BEGAIN: variants seen among roughly 807,000 people sequenced by gnomAD.
BEGAIN encodes the protein brain enriched guanylate kinase associated.
In BEGAIN, 19 loss-of-function variants were observed where a neutral mutation model predicts 35.8. The ratio of observed to expected loss-of-function variants is 0.53; its 90% confidence interval spans 0.37 to 0.78. The LOEUF is 0.78. Ranked by LOEUF, BEGAIN falls within the 30% of genes least tolerant of loss-of-function variation. BEGAIN has a pLI of 0.00. For missense variants in BEGAIN, 795 were observed against 853.6 expected (o/e 0.93, Z 0.85); for synonymous variants, 462 against 388.6 (o/e 1.19, Z -2.22).
In BEGAIN at chr14:100,573,531, T is replaced by C. The variant is rs986792582; in HGVS notation, c.43-5592A>G. ...ACACCACTGTGTGGAGAGGGGCAAG[T>C]GCAGGACCCCAGGGCATCCAGCCAG... is the stretch of plus-strand genomic sequence containing the variant. On this transcript the variant is annotated intron_variant, in intron 1 of 6. Coordinates refer to ENST00000554140, the MANE Select transcript of BEGAIN (RefSeq NM_001385089.1). This position sits in a 1 kb window ranked among gnomAD's most constrained non-coding sequence, Gnocchi z 4.2. 2.0e-5 allele frequency among the ~76,000 whole-genome samples: 3 copies of C among 151,984 alleles called. No individual in the cohort carries two copies. The highest frequency in any genetic ancestry group is 7.3e-5 in the African/African-American group (3 of 41,374).
intron 6 of BEGAIN, 146 bp downstream of exon 6, chr14:100,540,350 C>G (rs1348475751): frequency 1.5e-6 from 1 of 679,266 alleles, no homozygotes; most frequent in African/African-American, 1.8e-5. Context: ...ATGTCATGAC[C>G]CCACAGGAGC....
In BEGAIN at chr14:100,539,310, G is replaced by T. The variant is rs1595104212; in HGVS notation, c.498C>A (p.Pro166=). The T allele has an allele frequency of 6.4e-7, 1 of 1,551,872 alleles. No homozygotes were observed. Among genetic ancestry groups the T allele is most frequent in the East Asian group, 2.3e-5 (1 of 44,282 alleles). The change falls in exon 7 of 7, where the codon CCC becomes CCA. Residue 166 remains proline (P), a synonymous_variant. Transcript: ENST00000554140. ...GGCTCACGCGCTCCTGGAAATCCGA[G>T]GGCAGCTGGAACGGGTGCGAGGAGG... The part of the protein sequence containing the change: ...YGRVHKVSEL[P]SDFQERVSLH...
chr14:100,548,059 T>G (rs2032766487), intron 2 of BEGAIN: 1 of 151,762 alleles, frequency 6.6e-6, no homozygotes, highest in Non-Finnish European at 1.5e-5. Context: ...CTTACGTTTT[T>G]GAGAACCTCA....
At chr14:100,574,161 A>G (rs1298663082) in intron 1 of BEGAIN, among the ~76,000 whole-genome samples, 2 of 152,212 alleles carry the variant, frequency 1.3e-5, no homozygotes, top group Non-Finnish European at 2.9e-5. Flanking sequence ...GCAGTCCCAA[A>G]TGAGCCGCGG....
chr14:100,557,091 G>A (rs57237719), intron 2 of BEGAIN, among the ~76,000 whole-genome samples: 5 of 104,522 alleles, frequency 4.8e-5, no homozygotes, highest in Admixed American at 2.5e-4. Context: ...GAGTCAGGGC[G>A]GGCCAAAGCC....
intron 2 of BEGAIN, among the ~76,000 whole-genome samples, chr14:100,554,082 C>T (rs2033468855): frequency 6.6e-6 from 1 of 152,220 alleles, no homozygotes; most frequent in Admixed American, 6.5e-5. Flanking sequence ...CCCATGGGGC[C>T]CTGCCGGGCT....
At chr14:100,583,829 T>C (rs951088943) in intron 1 of BEGAIN, among the ~76,000 whole-genome samples, 2 of 151,458 alleles carry the variant, frequency 1.3e-5, no homozygotes, top group African/African-American at 4.9e-5. Flanking sequence ...CCCAAATGGC[T>C]GGAACTACAG....
intron 4 of BEGAIN, among the ~76,000 whole-genome samples, 175 bp from the exon 5 acceptor site, chr14:100,544,140 A>C (rs1193288223): frequency 6.6e-6 from 1 of 152,186 alleles, no homozygotes; most frequent in Admixed American, 6.5e-5. Flanking sequence ...TCCTGGGTCC[A>C]ACACTGCCAA....
At chr14:100,543,733 G>A in intron 5 of BEGAIN, 125 bp downstream of exon 5, 1 of 741,316 alleles carries the variant, frequency 1.3e-6, no homozygotes, top group Non-Finnish European at 2.3e-6. Flanking sequence ...GCCCCTTGAG[G>A]CTGGGGCCAA....
rs371027222 is a variant in BEGAIN, at chr14:100,539,328, C to T, written c.493-13G>A. ...AATCCGAGGGCAGCTGGAACGGGTG[C>T]GAGGAGGGGGACGGCGGGTACAGGG... On this transcript the variant is annotated splice_polypyrimidine_tract_variant and intron_variant, in intron 6 of 6. Transcript: ENST00000554140. 2.1e-4 allele frequency: 328 copies of T among 1,536,602 alleles called. No homozygotes were observed. Among genetic ancestry groups the T allele is most frequent in the African/African-American group, 6.7e-4 (49 of 72,708 alleles).
intron 2 of BEGAIN, chr14:100,550,606 T>A: frequency 2.5e-6 from 1 of 398,276 alleles, no homozygotes; most frequent in Non-Finnish European, 4.4e-6. Flanking sequence ...CCACAGCCCC[T>A]TGGCTGAGAC....
rs2031452604 is a variant in BEGAIN, at chr14:100,540,591, G to A, written c.409-12C>T. On this transcript the variant is annotated splice_polypyrimidine_tract_variant and intron_variant, in intron 5 of 6. Transcript: ENST00000554140. Reference sequence around the variant, plus strand: ...TTCCTATAGAGCTCCTAAAAGACAAGAGAAGGCGTTTGGCGCCATTCACCC... The same window carrying A: ...TTCCTATAGAGCTCCTAAAAGACAAAAGAAGGCGTTTGGCGCCATTCACCC... 1 of 1,589,872 alleles carries A rather than the reference G, an allele frequency of 6.3e-7. No individual in the cohort carries two copies. The highest frequency in any genetic ancestry group is 1.3e-5 in the African/African-American group (1 of 74,558).
chr14:100,579,278 T>C (rs554707213), intron 1 of BEGAIN, among the ~76,000 whole-genome samples: 1 of 152,264 alleles, frequency 6.6e-6, no homozygotes, highest in South Asian at 2.1e-4. Context: ...AGGGTTAGGG[T>C]GAGAAAAAGC....
At chr14:100,580,213 G>T (rs1389715132) in intron 1 of BEGAIN, among the ~76,000 whole-genome samples, 1 of 152,188 alleles carries the variant, frequency 6.6e-6, no homozygotes, top group Non-Finnish European at 1.5e-5. Context: ...TGAAGCAGAA[G>T]AATCACTTGA....
rs963000105 is a variant in BEGAIN, at chr14:100,563,200, A to G, written c.71+4711T>C. Among the ~76,000 whole-genome samples, 1 of 152,224 alleles carries G rather than the reference A, an allele frequency of 6.6e-6. No individual in the cohort carries two copies. Among genetic ancestry groups the G allele is most frequent in the African/African-American group, 2.4e-5 (1 of 41,462 alleles). On this transcript the variant is annotated intron_variant, in intron 2 of 6. Coordinates refer to ENST00000554140, the MANE Select transcript of BEGAIN (RefSeq NM_001385089.1). This position sits in a 1 kb window ranked among gnomAD's most constrained non-coding sequence, Gnocchi z 4.2. ...CAAGCACCGGTCATAGGAGTGAAGGAGAGAGTGTGGCCCGAACACCTGGGT... is the reference window on the plus strand; with the variant it reads ...CAAGCACCGGTCATAGGAGTGAAGGGGAGAGTGTGGCCCGAACACCTGGGT...
In BEGAIN at chr14:100,586,763, A is replaced by G. The variant is rs569200945; in HGVS notation, c.42+486T>C. On this transcript the variant is annotated intron_variant, in intron 1 of 6. Coordinates refer to ENST00000554140, the MANE Select transcript of BEGAIN (RefSeq NM_001385089.1). The surrounding 1 kb of genome is among the most constrained non-coding windows in gnomAD (Gnocchi z 4.9). ...CGCGCCCACGCGCTGCAAACGCTCA[A>G]TGAGGCGGCCCCGGGTCCAGCCTCC... 1.3e-4 allele frequency among the ~76,000 whole-genome samples: 20 copies of G among 152,268 alleles called. No homozygotes were observed. The highest frequency in any genetic ancestry group is 3.4e-3 in the Middle Eastern group (1 of 292).
intron 1 of BEGAIN, among the ~76,000 whole-genome samples, chr14:100,572,728 C>T (rs1383915806): frequency 6.6e-6 from 1 of 152,172 alleles, no homozygotes; most frequent in Admixed American, 6.5e-5. Context: ...GATGGAAAAT[C>T]CTTCACTGGG....
chr14:100,568,980 G>A lies in BEGAIN; in HGVS notation c.43-1041C>T, dbSNP rs1466187883. ...TCCGCCGGGAGCGCGCTCCGCTCGG[G>A]TCCGGGCCCCACGCCGCCTCCCCCA... On this transcript the variant is annotated intron_variant, in intron 1 of 6. Transcript: ENST00000554140. The surrounding 1 kb of genome is among the most constrained non-coding windows in gnomAD (Gnocchi z 7.5). 5 of 981,110 alleles carry A rather than the reference G, an allele frequency of 5.1e-6. No homozygotes were observed. The highest frequency in any genetic ancestry group is 4.8e-6 in the Non-Finnish European group (4 of 827,342). The allele number at this position is 981,110 out of a possible 1,614,324, so 60.8% of individuals were successfully genotyped here. A position where few individuals can be genotyped will look rare whatever the true frequency, so the allele number is the denominator to read the frequency against.
chr14:100,541,148 G>A (rs887678403), intron 5 of BEGAIN, among the ~76,000 whole-genome samples: 5 of 152,278 alleles, frequency 3.3e-5, no homozygotes, highest in African/African-American at 9.6e-5. Flanking sequence ...CCAGGCGGGC[G>A]CTGGCTCAGC....
Sources: allele counts gnomAD v4.1 joint callset (sites outside exome capture counted in the v4.1 genomes callset), GRCh38; gene constraint gnomAD v4.1.1; non-coding constraint Gnocchi (gnomAD v3.1); transcripts MANE v1.5; gene names NCBI Gene and HGNC (gene_info 2026-07-23, HGNC 2026-07-21).